CSNK2A2: variants seen among roughly 807,000 people sequenced by gnomAD.
CSNK2A2 encodes the protein casein kinase 2 alpha 2.
Under a neutral mutation model 54.0 loss-of-function variants are expected in CSNK2A2, and 8 were observed. That is an observed-to-expected ratio of 0.15 (90% CI 0.09 to 0.27). The LOEUF (loss-of-function observed/expected upper bound fraction) is 0.27, where lower values mean the gene tolerates loss of function less well. Ranked by LOEUF, CSNK2A2 falls within the 10% of genes least tolerant of loss-of-function variation. CSNK2A2 has a pLI of 1.00. For missense variants in CSNK2A2, 242 were observed against 439.4 expected, an observed-to-expected ratio of 0.55 and a Z score of 4.02; for synonymous variants, 141 against 153.9, an observed-to-expected ratio of 0.92 and a Z score of 0.62.
rs1273555045 is a variant in CSNK2A2 at position 58,158,254 on chromosome 16, G to A, written c.*117C>T. 3.3e-5 allele frequency: 5 copies of A among 152,684 alleles called. No individual in the cohort carries two copies. Among genetic ancestry groups the A allele is most frequent in the Non-Finnish European group, 5.9e-5 (4 of 68,078 alleles). 9.5% of individuals were successfully genotyped at this position (152,684 alleles called of 1,614,324 possible). ...GTTCGTGCTCGCCAAACCTGCCACC[G>A]TTTTGTGTCTGCTCACGGAACGTGA... On this transcript the variant is annotated 3_prime_UTR_variant, in exon 12 of 12. Transcript: ENST00000262506.
At position 58,184,244 on chromosome 16, in the gene CSNK2A2, A is replaced by T; in HGVS notation, c.369+16T>A. The T allele has an allele frequency of 5.6e-6, 9 of 1,596,400 alleles. No individual in the cohort carries two copies. Among genetic ancestry groups the T allele is most frequent in the Non-Finnish European group, 7.7e-6 (9 of 1,167,678 alleles). Reference sequence around the variant, plus strand: ...TCACCCCGTTAACCCCATGCCAGAAAGAAAAGCATACGCACCTTAAAATCT... The same window carrying T: ...TCACCCCGTTAACCCCATGCCAGAATGAAAAGCATACGCACCTTAAAATCT... On this transcript the variant is annotated intron_variant, in intron 4 of 11. Coordinates refer to ENST00000262506, the MANE Select transcript of CSNK2A2 (RefSeq NM_001896.4).
chr16:58,162,045 C>T (rs1438270485), intron 11 of CSNK2A2: 1 of 151,914 alleles, frequency 6.6e-6, no homozygotes, highest in Non-Finnish European at 1.5e-5. Context: ...CAAGACCCTC[C>T]AGTAGGCACC....
At chr16:58,164,335 G>A (rs1469040330) in intron 10 of CSNK2A2, among the ~76,000 whole-genome samples, 188 bp from the exon 11 acceptor site, 1 of 152,126 alleles carries the variant, frequency 6.6e-6, no homozygotes, top group Non-Finnish European at 1.5e-5. Flanking sequence ...AAATGATCAG[G>A]GAAATTGTTA....
rs373435971 is a variant in CSNK2A2 at position 58,172,130 on chromosome 16, A to T, written c.429+2321T>A. 2.7e-3 allele frequency among the ~76,000 whole-genome samples: 405 copies of T among 150,608 alleles called. 6 individuals are homozygous for T. Among genetic ancestry groups the T allele is most frequent in the African/African-American group, 9.4e-3 (388 of 41,140 alleles). ...GAGCCACCGAGTCTGGCCAGCAACT[A>T]AATTTTGAATTTTACTTAATTTAAA... On this transcript the variant is annotated intron_variant, in intron 5 of 11. Transcript: ENST00000262506.
intron 2 of CSNK2A2, among the ~76,000 whole-genome samples, chr16:58,191,828 A>C (rs1203778024): frequency 6.6e-6 from 1 of 152,128 alleles, no homozygotes; most frequent in Admixed American, 6.5e-5. Context: ...TACTTTATTG[A>C]TCTCTCAGGC....
chr16:58,186,655 C>A (rs953827192), intron 3 of CSNK2A2, 100 bp downstream of exon 3: 2 of 800,512 alleles, frequency 2.5e-6, no homozygotes, highest in Non-Finnish European at 4.0e-6. Flanking sequence ...ACAAACACCA[C>A]CATCCCCACT....
intron 2 of CSNK2A2, among the ~76,000 whole-genome samples, chr16:58,195,456 C>T (rs1962417787): frequency 6.6e-6 from 1 of 152,292 alleles, no homozygotes; most frequent in Admixed American, 6.5e-5. Context: ...CCTATACCAG[C>T]TGCCCTAGCA....
At chr16:58,178,151 G>A (rs1215936799) in intron 4 of CSNK2A2, among the ~76,000 whole-genome samples, 1 of 152,012 alleles carries the variant, frequency 6.6e-6, no homozygotes, top group African/African-American at 2.4e-5. Context: ...CTCTATGTGA[G>A]TGATTTAGAA....
intron 2 of CSNK2A2, 115 bp from the exon 3 acceptor site, chr16:58,186,971 G>A (rs1962209974): frequency 2.7e-6 from 2 of 749,586 alleles, no homozygotes; most frequent in Admixed American, 3.0e-5. Flanking sequence ...ACTCTGTTGT[G>A]TTCAAGAGTG....
intron 5 of CSNK2A2, among the ~76,000 whole-genome samples, chr16:58,169,229 G>A (rs1961662882): frequency 6.6e-6 from 1 of 151,146 alleles, no homozygotes; most frequent in African/African-American, 2.4e-5. Context: ...CCCAGCCGAG[G>A]AAGATTTCTT....
intron 5 of CSNK2A2, 52 bp downstream of exon 5, chr16:58,174,394 ACTTAT>A: frequency 8.0e-7 from 1 of 1,243,166 alleles, no homozygotes; most frequent in South Asian, 1.4e-5. Flanking sequence ...TCTCTCAAAA[ACTTAT>A]CTTTTAATGA....
At chr16:58,195,433 T>C (rs879218226) in intron 2 of CSNK2A2, among the ~76,000 whole-genome samples, 2 of 152,202 alleles carry the variant, frequency 1.3e-5, no homozygotes, top group African/African-American at 4.8e-5. Context: ...CCCCTCACAT[T>C]AAACAGGGAT....
At position 58,164,083 on chromosome 16, in the gene CSNK2A2, C is replaced by G. The variant is rs779927776; in HGVS notation, c.1041G>C (p.Thr347=). The G allele has an allele frequency of 6.2e-7, 1 of 1,613,522 alleles. No individual in the cohort carries two copies. Among genetic ancestry groups the G allele is most frequent in the Non-Finnish European group, 8.5e-7 (1 of 1,179,762 alleles). ...ADNAVLSSGL[T]AAR ...CGCTTTCCAGTCTTCATCGTGCTGCCGTGAGACCACTGGAAAGCACAGCAT... is the reference window on the plus strand; with the variant it reads ...CGCTTTCCAGTCTTCATCGTGCTGCGGTGAGACCACTGGAAAGCACAGCAT... Residue 347 remains threonine, a synonymous_variant, in exon 11 of 12, where the codon ACG becomes ACC. Transcript: ENST00000262506.
In CSNK2A2 at chr16:58,190,965, T is replaced by C. The variant is rs79229659; in HGVS notation, c.217-4109A>G. On this transcript the variant is annotated intron_variant, in intron 2 of 11. Coordinates refer to ENST00000262506, the MANE Select transcript of CSNK2A2 (RefSeq NM_001896.4). ...AGCATTATTCACAATAGCTAAAACATGGAAGCAACCCATCCACTGATGGAT... is the reference window on the plus strand; with the variant it reads ...AGCATTATTCACAATAGCTAAAACACGGAAGCAACCCATCCACTGATGGAT... 3.1e-3 allele frequency among the ~76,000 whole-genome samples: 475 copies of C among 152,270 alleles called. 12 individuals carry two copies. The East Asian group carries it at 0.077, about 25-fold the overall frequency.
In CSNK2A2 at chr16:58,167,799, C is replaced by T. The variant is rs776079193; in HGVS notation, c.514-4G>A. 1.9e-6 allele frequency: 3 copies of T among 1,610,966 alleles called. No individual in the cohort carries two copies. In the African/African-American group the frequency reaches 4.0e-5, roughly 22 times the overall value. On this transcript the variant is annotated splice_polypyrimidine_tract_variant and splice_region_variant and intron_variant, in intron 6 of 11. Coordinates refer to ENST00000262506, the MANE Select transcript of CSNK2A2 (RefSeq NM_001896.4). ...GACCCCAATCTATCAGTCGCAGCTA[C>T]AAATAGGACAGAAAAAAACATGTGA...
chr16:58,177,343 T>C (rs1390916326), intron 4 of CSNK2A2, among the ~76,000 whole-genome samples: 1 of 152,196 alleles, frequency 6.6e-6, no homozygotes, highest in Admixed American at 6.5e-5. Flanking sequence ...AACAATCCAC[T>C]GCAAAATGCT....
intron 2 of CSNK2A2, among the ~76,000 whole-genome samples, chr16:58,188,753 C>T (rs1312197279): frequency 6.6e-6 from 1 of 151,946 alleles, no homozygotes; most frequent in African/African-American, 2.4e-5. Context: ...CTCTCAAGCA[C>T]GTCAGGAAGA....
intron 10 of CSNK2A2, 35 bp from the exon 11 acceptor site, chr16:58,164,182 G>T: frequency 6.2e-7 from 1 of 1,601,898 alleles, no homozygotes; most frequent in Non-Finnish European, 8.6e-7. Context: ...AGGCAATCAG[G>T]GTGGTGAGTG....
chr16:58,160,549 A>G (rs1961310360), intron 11 of CSNK2A2: 1 of 152,276 alleles, frequency 6.6e-6, no homozygotes, highest in South Asian at 2.1e-4. Context: ...TTCCCTGAGT[A>G]GGCACAGACC....
Sources: gnomAD v4.1 joint callset for allele counts (sites outside exome capture counted in the v4.1 genomes callset) on GRCh38, gnomAD v4.1.1 for gene constraint, MANE v1.5 for transcripts, NCBI Gene and HGNC (gene_info 2026-07-23, HGNC 2026-07-21) for gene names.